The following CDC25C variants were observed in gnomAD, a reference collection of about 807,000 sequenced individuals.
CDC25C encodes cell division cycle 25C.
A neutral mutation model predicts 52.5 loss-of-function variants in CDC25C; 48 were observed. The observed-to-expected ratio is 0.91, with a 90% CI of 0.72 to 1.16. The LOEUF (loss-of-function observed/expected upper bound fraction) is 1.16. Ranked by LOEUF, CDC25C falls within the 50% of genes most tolerant of loss-of-function variation. The pLI is 0.00. For missense variants in CDC25C, 510 were observed against 566.1 expected (o/e 0.90, Z 1.01); for synonymous variants, 187 against 206.5 (o/e 0.91, Z 0.81).
chr5:138,337,396 C>T (rs1760777490), intron 1 of CDC25C: 1 of 153,392 alleles, frequency 6.5e-6, no homozygotes, highest in Non-Finnish European at 1.5e-5. Flanking sequence ...ATCTTTTCCC[C>T]ATCTGCCTGT....
At chr5:138,304,761 G>A (rs1757880367) in intron 7 of CDC25C, among the ~76,000 whole-genome samples, 1 of 151,856 alleles carries the variant, frequency 6.6e-6, no homozygotes, top group African/African-American at 2.4e-5. Flanking sequence ...TCCTGCCTCA[G>A]CCTCTCAAAT....
intron 9 of CDC25C, 75 bp downstream of exon 9, chr5:138,290,564 G>C: frequency 1.2e-6 from 1 of 834,410 alleles, no homozygotes; most frequent in Non-Finnish European, 2.1e-6. Context: ...TTTACACCAG[G>C]CATTCTCGGC....
At chr5:138,309,502 A>T (rs1183701091) in intron 7 of CDC25C, among the ~76,000 whole-genome samples, 1 of 151,710 alleles carries the variant, frequency 6.6e-6, no homozygotes, top group Non-Finnish European at 1.5e-5. Flanking sequence ...AGTTGCAGTG[A>T]GCCGAGATCA....
chr5:138,333,287 C>T (rs962601870), upstream of CDC25C: 1 of 151,868 alleles, frequency 6.6e-6, no homozygotes, highest in African/African-American at 2.4e-5. Context: ...CCAGGTGCTA[C>T]CCATGCAGAC....
At chr5:138,292,556 G>T (rs1005515607) in intron 7 of CDC25C, among the ~76,000 whole-genome samples, 1 of 147,228 alleles carries the variant, frequency 6.8e-6, no homozygotes, top group African/African-American at 2.5e-5. Flanking sequence ...CAGGATTTAA[G>T]GACCTCAACA....
chr5:138,324,707 G>A (rs539124690), intron 6 of CDC25C, among the ~76,000 whole-genome samples: 22 of 152,052 alleles, frequency 1.4e-4, no homozygotes, highest in African/African-American at 5.1e-4. Flanking sequence ...GCAGTGAGCC[G>A]AGATTGCACC....
rs2030673694 is a variant in CDC25C at position 138,293,352 on chromosome 5, CA to C, written c.616-1237del. The stretch of plus-strand genomic sequence containing the variant: ...AGATGGAGAAATAATTAGGCAGTAG[CA>C]GAAGCCAAAGCCCAAAAGGAAGAAG... On this transcript the variant is annotated intron_variant, in intron 7 of 13. Coordinates refer to ENST00000323760, the MANE Select transcript of CDC25C (RefSeq NM_001790.5). Among the ~76,000 whole-genome samples the C allele has an allele frequency of 2.6e-5, 4 of 152,180 alleles. No homozygotes were observed. The South Asian group carries it at 8.3e-4, about 32-fold the overall frequency.
At chr5:138,313,585 G>T (rs1307208337) in intron 7 of CDC25C, among the ~76,000 whole-genome samples, 1 of 152,070 alleles carries the variant, frequency 6.6e-6, no homozygotes, top group African/African-American at 2.4e-5. Flanking sequence ...ACCTGTATTT[G>T]TGTCCTAGAT....
At chr5:138,316,296 G>A (rs906693037) in intron 7 of CDC25C, among the ~76,000 whole-genome samples, 10 of 152,320 alleles carry the variant, frequency 6.6e-5, no homozygotes, top group South Asian at 6.2e-4. Flanking sequence ...GTTACAGTCC[G>A]GGGGCGGATC....
chr5:138,286,219 G>T, intron 12 of CDC25C, 86 bp from the exon 13 acceptor site: 1 of 1,055,706 alleles, frequency 9.5e-7, no homozygotes, highest in Non-Finnish European at 1.4e-6. Context: ...GGGGAGAGGA[G>T]TAGACTATTG....
At position 138,292,123 on chromosome 5, in the gene CDC25C, G is replaced by T. The variant is rs778984587; in HGVS notation, c.616-7C>A. On this transcript the variant is annotated splice_region_variant and splice_polypyrimidine_tract_variant and intron_variant, in intron 7 of 13. Coordinates refer to ENST00000323760, the MANE Select transcript of CDC25C (RefSeq NM_001790.5). ...ATAGGCCACTTCTGCTCACCTGTTT[G>T]GGAATATTAAACCCCCTAGTTCTTA... is the stretch of plus-strand genomic sequence containing the variant. The T allele has an allele frequency of 6.2e-7, 1 of 1,608,692 alleles. No individual in the cohort carries two copies. The highest frequency in any genetic ancestry group is 8.5e-7 in the Non-Finnish European group (1 of 1,177,326).
intron 6 of CDC25C, among the ~76,000 whole-genome samples, chr5:138,320,566 C>A (rs1205505717): frequency 1.3e-5 from 2 of 151,892 alleles, no homozygotes; most frequent in Non-Finnish European, 2.9e-5. Flanking sequence ...ACACCTGTAA[C>A]CCCAGCACTA....
intron 7 of CDC25C, among the ~76,000 whole-genome samples, chr5:138,297,080 T>G (rs887616801): frequency 1.3e-5 from 2 of 150,232 alleles, no homozygotes; most frequent in Admixed American, 6.7e-5. Context: ...CAGGCTAATT[T>G]TTTTGTATTT....
intron 6 of CDC25C, 95 bp downstream of exon 6, chr5:138,325,720 G>A (rs561710417): frequency 8.6e-6 from 7 of 813,700 alleles, no homozygotes; most frequent in African/African-American, 3.4e-5. Flanking sequence ...TCTAGCATAC[G>A]AGGTATAAAC....
At chr5:138,313,995 C>CTTTT (rs766176155) in intron 7 of CDC25C, among the ~76,000 whole-genome samples, 2 of 112,678 alleles carry the variant, frequency 1.8e-5, no homozygotes, top group African/African-American at 6.6e-5. Context: ...TTCTTTCTTT[C>CTTTT]TTTTTTTTTT....
intron 3 of CDC25C, chr5:138,328,741 T>C (rs1760092999): frequency 4.0e-6 from 2 of 504,792 alleles, no homozygotes; most frequent in Admixed American, 3.4e-5. Context: ...AGAAATCAAG[T>C]GTTGGGAAAC....
chr5:138,315,231 T>G (rs1415699051), intron 7 of CDC25C, among the ~76,000 whole-genome samples: 2 of 152,150 alleles, frequency 1.3e-5, no homozygotes, highest in East Asian at 3.9e-4. Flanking sequence ...CCTCCTATAA[T>G]TTTTATTATA....
At chr5:138,287,034 C>T (rs1310192679) in intron 11 of CDC25C, 135 bp downstream of exon 11, 3 of 600,596 alleles carry the variant, frequency 5.0e-6, no homozygotes, top group African/African-American at 1.8e-5. Flanking sequence ...ACAATGAGGA[C>T]CTCAGCCTTG....
At chr5:138,338,257 C>G in exon 1 of CDC25C, 1 of 1,095,856 alleles carries the variant, frequency 9.1e-7, no homozygotes, top group South Asian at 1.3e-5. Context: ...TGGGGCGAAC[C>G]GAGCGCTCAG....
Sources: allele counts gnomAD v4.1 joint callset (sites outside exome capture counted in the v4.1 genomes callset), GRCh38; gene constraint gnomAD v4.1.1; transcripts MANE v1.5; gene names NCBI Gene and HGNC (gene_info 2026-07-23, HGNC 2026-07-21).